Variants in DCLK1 observed in about 807,000 individuals in gnomAD.
DCLK1 encodes doublecortin like kinase 1, also known as serine/threonine-protein kinase DCLK1.
DCLK1 carries 16 observed loss-of-function variants against 86.2 expected under a neutral mutation model. That is an observed-to-expected ratio of 0.19 (90% CI 0.13 to 0.28). The LOEUF is 0.28. Ranked by LOEUF, DCLK1 falls within the 10% of genes least tolerant of loss-of-function variation. DCLK1 has a pLI of 1.00. For synonymous variants in DCLK1, 369 were observed against 370.5 expected (o/e 1.00, Z 0.05); for missense variants, 590 against 940.2 (o/e 0.63, Z 4.87).
chr13:36,060,950 C>T (rs1166561120), intron 3 of DCLK1, among the ~76,000 whole-genome samples: 1 of 152,144 alleles, frequency 6.6e-6, no homozygotes. Context: ...ATGAATGCAA[C>T]ACCTGGTTAG....
At chr13:35,967,544 T>C (rs1219382855) in intron 3 of DCLK1, among the ~76,000 whole-genome samples, 1 of 152,220 alleles carries the variant, frequency 6.6e-6, no homozygotes, top group African/African-American at 2.4e-5. Context: ...CCGTGCTCTC[T>C]GAAACATGTG....
chr13:35,986,811 C>T (rs2153142817), intron 3 of DCLK1, among the ~76,000 whole-genome samples: 1 of 152,248 alleles, frequency 6.6e-6, no homozygotes, highest in African/African-American at 2.4e-5. Context: ...GTAAGTAGAG[C>T]TACACCTTAG....
chr13:35,855,602 A>G (rs2153110920), intron 5 of DCLK1: 11 of 1,557,406 alleles, frequency 7.1e-6, no homozygotes, highest in Non-Finnish European at 9.6e-6. Flanking sequence ...GCACCCGCGG[A>G]AATGGGAATC....
chr13:36,065,005 C>G (rs1018013717), intron 3 of DCLK1, among the ~76,000 whole-genome samples: 1 of 152,154 alleles, frequency 6.6e-6, no homozygotes, highest in Non-Finnish European at 1.5e-5. Context: ...TAAAAAAATG[C>G]TTTCTTTGGA....
chr13:35,935,022 C>A (rs181800211), intron 4 of DCLK1, among the ~76,000 whole-genome samples: 4 of 152,168 alleles, frequency 2.6e-5, no homozygotes, highest in Admixed American at 2.6e-4. Flanking sequence ...AAAGGCTTTA[C>A]AAGGATGGTG....
At chr13:36,071,998 C>A (rs552243508) in intron 3 of DCLK1, among the ~76,000 whole-genome samples, 1 of 152,162 alleles carries the variant, frequency 6.6e-6, no homozygotes, top group East Asian at 1.9e-4. Flanking sequence ...ACCAAATTCT[C>A]GATTTTAATA....
At chr13:36,065,923 C>T (rs1023147271) in intron 3 of DCLK1, among the ~76,000 whole-genome samples, 3 of 151,992 alleles carry the variant, frequency 2.0e-5, no homozygotes, top group African/African-American at 7.2e-5. Context: ...CACACAACGG[C>T]AATGGTAACA....
intron 4 of DCLK1, among the ~76,000 whole-genome samples, chr13:35,872,589 C>A (rs1424834592): frequency 6.6e-6 from 1 of 152,186 alleles, no homozygotes; most frequent in African/African-American, 2.4e-5. Context: ...TAGTCCCTGG[C>A]ACTTGACATT....
At chr13:36,130,834 G>C (rs1273329520) in intron 1 of DCLK1, among the ~76,000 whole-genome samples, 1 of 152,198 alleles carries the variant, frequency 6.6e-6, no homozygotes, top group East Asian at 1.9e-4. Flanking sequence ...AAGCCTGGGA[G>C]GGCCCGCTCG....
intron 3 of DCLK1, among the ~76,000 whole-genome samples, chr13:36,067,459 A>G (rs1264650281): frequency 1.4e-5 from 2 of 144,778 alleles, no homozygotes; most frequent in Admixed American, 6.9e-5. Context: ...CCTAATGCTA[A>G]ATGACGAGTT....
intron 4 of DCLK1, among the ~76,000 whole-genome samples, chr13:35,910,355 A>C (rs1874940111): frequency 6.6e-6 from 1 of 152,238 alleles, no homozygotes; most frequent in Non-Finnish European, 1.5e-5. Context: ...AGAAGACAAA[A>C]GAATGTGATA....
intron 3 of DCLK1, among the ~76,000 whole-genome samples, chr13:36,106,277 G>A (rs899138772): frequency 6.6e-5 from 10 of 152,100 alleles, no homozygotes; most frequent in African/African-American, 2.4e-4. Context: ...TAGCTCATGA[G>A]TCCTAAATAT....
At chr13:36,077,324 A>G (rs558793735) in intron 3 of DCLK1, among the ~76,000 whole-genome samples, 14 of 152,288 alleles carry the variant, frequency 9.2e-5, no homozygotes, top group African/African-American at 3.4e-4. Flanking sequence ...TCAACTACTC[A>G]TTATGTTACC....
chr13:35,822,747 G>C lies in DCLK1; in HGVS notation c.1536C>G (p.Ile512Met). Residue 512 changes from isoleucine to methionine, a missense_variant, in exon 11 of 17, where the codon ATC (isoleucine) becomes ATG (methionine). Ile to Met is a conservative substitution (Grantham distance 10). Transcript: ENST00000360631. The stretch of plus-strand genomic sequence containing the variant: ...CTCTTACCAGCAGGTTCTCTGGCTT[G>C]ATATCACGGTGGACGATGTTCAGGC... ...LHSLNIVHRD[I>M]KPENLLVYEH... 2 of 1,614,076 alleles carry C rather than the reference G, an allele frequency of 1.2e-6. No individual in the cohort carries two copies. The highest frequency in any genetic ancestry group is 1.7e-6 in the Non-Finnish European group (2 of 1,180,014).
At chr13:36,021,511 T>G (rs1191406733) in intron 3 of DCLK1, among the ~76,000 whole-genome samples, 1 of 151,946 alleles carries the variant, frequency 6.6e-6, no homozygotes, top group East Asian at 1.9e-4. Context: ...AATACATATT[T>G]TAGATTCAAA....
At chr13:36,059,846 A>G (rs974608797) in intron 3 of DCLK1, among the ~76,000 whole-genome samples, 1 of 151,662 alleles carries the variant, frequency 6.6e-6, no homozygotes, top group Non-Finnish European at 1.5e-5. Context: ...TTTTCATAAC[A>G]AAGATGACTT....
chr13:35,845,671 A>G (rs557872867), intron 6 of DCLK1, among the ~76,000 whole-genome samples: 1 of 152,348 alleles, frequency 6.6e-6, no homozygotes, highest in African/African-American at 2.4e-5. Context: ...ACTACCTGAA[A>G]CAGAATTTTT....
In DCLK1 at chr13:36,125,963, C is replaced by T. The variant is rs1321590833; in HGVS notation, c.175G>A (p.Val59Ile). 1 of 1,614,202 alleles carries T rather than the reference C, an allele frequency of 6.2e-7. No homozygotes were observed. Among genetic ancestry groups the T allele is most frequent in the Non-Finnish European group, 8.5e-7 (1 of 1,180,040 alleles). The change falls in exon 2 of 17, where the codon GTT (valine) becomes ATT (isoleucine). Residue 59 changes from valine (V) to isoleucine (I), a missense_variant. Transcript: ENST00000360631. Reference sequence around the variant, plus strand: ...CGATCTCCGTTTCGATAGAAACGAACTTTCTTGGCCTTCTTCTCGGAGCTG... The same window carrying T: ...CGATCTCCGTTTCGATAGAAACGAATTTTCTTGGCCTTCTTCTCGGAGCTG... ...TLSSEKKAKK[V>I]RFYRNGDRYF... is the part of the protein sequence containing the mutation.
intron 3 of DCLK1, among the ~76,000 whole-genome samples, chr13:35,964,955 A>G (rs1878655215): frequency 6.6e-6 from 1 of 152,178 alleles, no homozygotes; most frequent in South Asian, 2.1e-4. Context: ...AGTAGTTGCA[A>G]CAGAGATCAT....
Sources: gnomAD v4.1 joint callset for allele counts (sites outside exome capture counted in the v4.1 genomes callset) on GRCh38, gnomAD v4.1.1 for gene constraint, MANE v1.5 for transcripts, NCBI Gene and HGNC (gene_info 2026-07-23, HGNC 2026-07-21) for gene names.